Variants in ANK3 observed in about 807,000 individuals in gnomAD.
The protein encoded by ANK3 is ankyrin-3.
A neutral mutation model predicts 370.9 loss-of-function variants in ANK3; 57 were observed. The observed-to-expected ratio is 0.15, with a 90% CI of 0.12 to 0.19. ANK3 has a LOEUF of 0.19. ANK3 is among the 10% of genes least tolerant of loss of function. The probability of loss-of-function intolerance (pLI) is 1.00; values close to 1 mark genes in which losing one functional copy is unlikely to be tolerated. For missense variants in ANK3, 4,439 were observed against 5,302.1 expected (o/e 0.84, Z 5.06); for synonymous variants, 1,929 against 1,946.3 (o/e 0.99, Z 0.23).
chr10:60,050,948 A>T (rs73255269), intron 42 of ANK3, among the ~76,000 whole-genome samples: 3 of 151,338 alleles, frequency 2.0e-5, no homozygotes, highest in African/African-American at 4.9e-5. Context: ...ATTGTGTCAC[A>T]TATATCCATG....
intron 23 of ANK3, among the ~76,000 whole-genome samples, chr10:60,159,835 A>C (rs2095448516): frequency 6.6e-6 from 1 of 152,172 alleles, no homozygotes; most frequent in Admixed American, 6.5e-5. Context: ...TCAACGAATA[A>C]ATTAAAAAGA....
At chr10:60,390,942 A>G (rs2063054003), upstream of ANK3, among the ~76,000 whole-genome samples, 1 of 152,212 alleles carries the variant, frequency 6.6e-6, no homozygotes, top group Non-Finnish European at 1.5e-5. Flanking sequence ...AGTCCAATGC[A>G]TCATGTGAGG....
At position 60,075,952 on chromosome 10, in the gene ANK3, G is replaced by A. The variant is rs1216073802; in HGVS notation, c.4929C>T (p.Pro1643=). Residue 1643 remains proline, a synonymous_variant, in exon 37 of 44, where the codon CCC becomes CCT. Coordinates refer to ENST00000280772, the MANE Select transcript of ANK3 (RefSeq NM_020987.5). ...LLERSSITMT[P]PASPKSNINM... The stretch of plus-strand genomic sequence containing the variant: ...TAATGTTTGATTTGGGGGAGGCAGG[G>A]GGTGTCATAGTAATTGATGACCTCT... The A allele has an allele frequency of 1.2e-5, 19 of 1,614,124 alleles. No homozygotes were observed. The highest frequency in any genetic ancestry group is 1.6e-5 in the Non-Finnish European group (19 of 1,180,000).
At chr10:60,052,849 A>T (rs1173434583) in intron 42 of ANK3, among the ~76,000 whole-genome samples, 1 of 151,508 alleles carries the variant, frequency 6.6e-6, no homozygotes, top group African/African-American at 2.4e-5. Context: ...AAAAAAAAAT[A>T]AAACTGCTAT....
chr10:60,612,213 GT>G (rs2078210872), intron 2 of ANK3, among the ~76,000 whole-genome samples: 2 of 152,270 alleles, frequency 1.3e-5, no homozygotes, highest in South Asian at 4.1e-4. Context: ...CAAGCAGCAA[GT>G]TATCTCTGTC....
At chr10:60,030,146 C>CT (rs898420378) in intron 43 of ANK3, among the ~76,000 whole-genome samples, 3 of 151,582 alleles carry the variant, frequency 2.0e-5, no homozygotes, top group African/African-American at 7.3e-5. Context: ...CCTGGTTCAA[C>CT]TTTTTTTCTT....
intron 27 of ANK3, among the ~76,000 whole-genome samples, chr10:60,107,144 A>G (rs1027533117): frequency 1.1e-4 from 16 of 152,208 alleles, no homozygotes; most frequent in Admixed American, 5.9e-4. Flanking sequence ...TTTTGCTTTT[A>G]GCAAAATCAT....
At chr10:60,471,750 C>T (rs1009826758) in intron 2 of ANK3, among the ~76,000 whole-genome samples, 1 of 151,924 alleles carries the variant, frequency 6.6e-6, no homozygotes, top group African/African-American at 2.4e-5. Context: ...CATCAAAATA[C>T]TTTTTACCCA....
At chr10:60,501,811 A>G (rs1459276835) in intron 2 of ANK3, among the ~76,000 whole-genome samples, 1 of 151,776 alleles carries the variant, frequency 6.6e-6, no homozygotes. Context: ...CCAAGTCTAC[A>G]AAAAAAAGGA....
intron 23 of ANK3, among the ~76,000 whole-genome samples, chr10:60,159,702 C>T (rs2095444994): frequency 6.6e-6 from 1 of 151,992 alleles, no homozygotes; most frequent in South Asian, 2.1e-4. Context: ...AAAAAAATTG[C>T]AATCATGTCA....
intron 27 of ANK3, 27 bp downstream of exon 27, chr10:60,108,803 A>C (rs753286353): frequency 6.3e-7 from 1 of 1,596,580 alleles, no homozygotes; most frequent in South Asian, 1.1e-5. Flanking sequence ...TGTGAGGGCC[A>C]AGGTTAAAAT....
intron 43 of ANK3, among the ~76,000 whole-genome samples, chr10:60,031,082 C>G (rs1449386633): frequency 2.3e-5 from 2 of 85,742 alleles, no homozygotes; most frequent in Non-Finnish European, 5.2e-5. Context: ...AGCATCTCAG[C>G]TATTTCTGAA....
chr10:60,163,105 C>T (rs2095538587), intron 23 of ANK3, among the ~76,000 whole-genome samples: 1 of 152,078 alleles, frequency 6.6e-6, no homozygotes, highest in African/African-American at 2.4e-5. Context: ...CTTTCTCTTT[C>T]TTCTTCCTTC....
intron 1 of ANK3, among the ~76,000 whole-genome samples, chr10:60,321,227 A>C (rs1328882378): frequency 2.0e-5 from 3 of 152,084 alleles, no homozygotes; most frequent in African/African-American, 7.2e-5. Context: ...TCTCTACAAA[A>C]AATTTAAAAA....
intron 2 of ANK3, among the ~76,000 whole-genome samples, chr10:60,454,498 T>C (rs1236515752): frequency 2.6e-5 from 4 of 152,102 alleles, no homozygotes; most frequent in African/African-American, 9.6e-5. Context: ...CCAACATTGA[T>C]AGGGACAGGA....
intron 2 of ANK3, among the ~76,000 whole-genome samples, chr10:60,591,303 T>TTTTATTTATTTATTTA (rs79060296): frequency 2.9e-5 from 4 of 137,588 alleles, no homozygotes; most frequent in African/African-American, 5.4e-5. Flanking sequence ...TTTATTTTTA[T>TTTTATTTATTTATTTA]TTTATTTATT....
chr10:60,733,469 C>A (rs1193072810), exon 1 of ANK3: 4 of 651,768 alleles, frequency 6.1e-6, no homozygotes, highest in Non-Finnish European at 8.7e-6. Flanking sequence ...CCGCCCAGCG[C>A]GGCCTATCCT....
chr10:60,648,767 T>TAAA lies in ANK3; in HGVS notation c.58-33546_58-33544dup, dbSNP rs796546062. Among the ~76,000 whole-genome samples, 186 of 112,252 alleles carry TAAA rather than the reference T, an allele frequency of 1.7e-3. 7 individuals carry two copies. The highest frequency in any genetic ancestry group is 5.6e-3 in the Middle Eastern group (1 of 178). The allele number at this position is 112,252 out of a possible 152,430, so 73.6% of individuals were successfully genotyped here. ...CCTGGGTGACAGAATAAGACTGTCT[T>TAAA]AAAAAAAAAAAAAAAAAATTCTTGC... On this transcript the variant is annotated intron_variant, in intron 1 of 43. Coordinates refer to the ANK3 transcript ENST00000373827.
At chr10:60,499,514 C>A (rs577649233) in intron 2 of ANK3, among the ~76,000 whole-genome samples, 1 of 152,292 alleles carries the variant, frequency 6.6e-6, no homozygotes, top group African/African-American at 2.4e-5. Flanking sequence ...TTACTATCCA[C>A]ATAACACCAA....
Sources: allele counts gnomAD v4.1 joint callset (sites outside exome capture counted in the v4.1 genomes callset), GRCh38; gene constraint gnomAD v4.1.1; transcripts MANE v1.5; gene names NCBI Gene and HGNC (gene_info 2026-07-23, HGNC 2026-07-21).